The following DOCK10 variants were observed in gnomAD, a reference collection of about 807,000 sequenced individuals.
DOCK10 encodes dedicator of cytokinesis 10.
Under a neutral mutation model 280.1 loss-of-function variants are expected in DOCK10, and 145 were observed. That is an observed-to-expected ratio of 0.52 (90% confidence interval 0.45 to 0.59). The LOEUF (loss-of-function observed/expected upper bound fraction) is 0.59, where lower values mean the gene tolerates loss of function less well. Among genes scored for constraint, DOCK10 ranks in the 20% least tolerant of loss-of-function variants. The pLI, the probability that DOCK10 is intolerant of heterozygous loss-of-function variation, is 0.00. For synonymous variants in DOCK10, 915 were observed against 942.2 expected (o/e 0.97, Z 0.53); for missense variants, 2,368 against 2,651.7 (o/e 0.89, Z 2.35).
At chr2:224,917,257 C>G (rs535398880) in intron 2 of DOCK10, among the ~76,000 whole-genome samples, 9 of 152,018 alleles carry the variant, frequency 5.9e-5, no homozygotes, top group African/African-American at 2.2e-4. Flanking sequence ...AGGTGCCCAC[C>G]ACCACCCCCA....
chr2:224,902,401 T>C (rs1019145189), intron 3 of DOCK10, among the ~76,000 whole-genome samples: 9 of 152,218 alleles, frequency 5.9e-5, no homozygotes, highest in African/African-American at 2.2e-4. Context: ...CTGGAAATAA[T>C]TCTGTATTTG....
chr2:224,948,556 T>C (rs923038440), intron 1 of DOCK10, among the ~76,000 whole-genome samples: 2 of 152,224 alleles, frequency 1.3e-5, no homozygotes, highest in African/African-American at 4.8e-5. Flanking sequence ...CCTTATATGG[T>C]GTGATGAGAG....
At chr2:224,877,883 A>C (rs1698739310) in intron 7 of DOCK10, among the ~76,000 whole-genome samples, 1 of 152,242 alleles carries the variant, frequency 6.6e-6, no homozygotes, top group East Asian at 1.9e-4. Flanking sequence ...AAGATACTTC[A>C]TCTTTGATTT....
intron 1 of DOCK10, among the ~76,000 whole-genome samples, chr2:224,958,395 G>C (rs1457540317): frequency 1.3e-5 from 2 of 152,288 alleles, no homozygotes; most frequent in African/African-American, 4.8e-5. Flanking sequence ...GAAAGGAATA[G>C]GATGCTTCAG....
At chr2:224,851,096 C>A (rs1006690387) in intron 18 of DOCK10, among the ~76,000 whole-genome samples, 1 of 152,156 alleles carries the variant, frequency 6.6e-6, no homozygotes, top group Non-Finnish European at 1.5e-5. Flanking sequence ...CAGCATGCTA[C>A]TATTCTGTCC....
Position 224,770,813 on chromosome 2 carries a change from A to G in DOCK10, c.6205-168T>C, listed in dbSNP as rs1476596524. On this transcript the variant is annotated intron_variant, in intron 53 of 55. Coordinates refer to ENST00000258390, the MANE Select transcript of DOCK10 (RefSeq NM_014689.3). This position sits in a 1 kb window ranked among gnomAD's most constrained non-coding sequence, Gnocchi z 4.5. ...CTTAGCTGCTGTCCTCCAACTTGTC[A>G]ATAGAGCATGAGTCTGAGCTCCACC... Among the ~76,000 whole-genome samples, 1 of 151,668 alleles carries G rather than the reference A, an allele frequency of 6.6e-6. No individual in the cohort carries two copies. The highest frequency in any genetic ancestry group is 1.5e-5 in the Non-Finnish European group (1 of 67,978).
intron 18 of DOCK10, among the ~76,000 whole-genome samples, chr2:224,850,638 G>A (rs573488534): frequency 6.6e-6 from 1 of 152,028 alleles, no homozygotes; most frequent in Non-Finnish European, 1.5e-5. Flanking sequence ...CTCCCCACCC[G>A]AATCTCATCT....
chr2:225,041,158 G>C (rs1481686745), intron 1 of DOCK10, among the ~76,000 whole-genome samples: 2 of 152,298 alleles, frequency 1.3e-5, no homozygotes, highest in Middle Eastern at 3.4e-3. Flanking sequence ...CTGGCTGTGG[G>C]AACTGGCTCT....
chr2:224,913,718 GTTTATTTATTTA>G (rs113890271), intron 3 of DOCK10, among the ~76,000 whole-genome samples: 4 of 150,334 alleles, frequency 2.7e-5, no homozygotes, highest in Non-Finnish European at 5.9e-5. Flanking sequence ...TTGTTTGTCT[GTTTATTTATTTA>G]TTTATTTATT....
chr2:225,017,219 A>G (rs1269750949), intron 1 of DOCK10, among the ~76,000 whole-genome samples: 3 of 152,128 alleles, frequency 2.0e-5, no homozygotes, highest in Non-Finnish European at 4.4e-5. Context: ...GTCATCTCGT[A>G]CAGCTTCAGG....
intron 15 of DOCK10, among the ~76,000 whole-genome samples, chr2:224,856,605 T>C (rs1697160851): frequency 6.6e-6 from 1 of 152,246 alleles, no homozygotes; most frequent in African/African-American, 2.4e-5. Context: ...GTTGTTATTT[T>C]AAACCATTAA....
chr2:225,017,480 G>T (rs1421754983), intron 1 of DOCK10, among the ~76,000 whole-genome samples: 1 of 152,102 alleles, frequency 6.6e-6, no homozygotes, highest in Non-Finnish European at 1.5e-5. Flanking sequence ...AAGAGACCAA[G>T]AGAGACTGAC....
At chr2:225,024,540 T>G (rs1466051437) in intron 1 of DOCK10, among the ~76,000 whole-genome samples, 4 of 152,210 alleles carry the variant, frequency 2.6e-5, no homozygotes, top group African/African-American at 9.7e-5. Context: ...ACAATTGTTT[T>G]ACAAATATGA....
At chr2:224,946,951 T>A in intron 1 of DOCK10, 2 of 1,541,176 alleles carry the variant, frequency 1.3e-6, no homozygotes, top group Non-Finnish European at 1.7e-6. Flanking sequence ...CGAAAACTCA[T>A]CGTATTGCTA....
rs558311858 is a variant in DOCK10, at chr2:224,788,032, C to CA, written c.5419-636dup. Reference sequence around the variant, plus strand: ...CTTCAAGTCCTATCAAGACTCAGCACAAAAAAAAATGAAGAGCTTTTATTT... The same window carrying CA: ...CTTCAAGTCCTATCAAGACTCAGCACAAAAAAAAAATGAAGAGCTTTTATTT... On this transcript the variant is annotated intron_variant, in intron 48 of 55. Coordinates refer to ENST00000258390, the MANE Select transcript of DOCK10 (RefSeq NM_014689.3). 2.4e-3 allele frequency among the ~76,000 whole-genome samples: 367 copies of CA among 150,152 alleles called. 2 individuals are homozygous for CA. Among genetic ancestry groups the CA allele is most frequent in the South Asian group, 3.8e-3 (18 of 4,732 alleles).
intron 1 of DOCK10, among the ~76,000 whole-genome samples, chr2:225,005,032 T>C (rs1239433182): frequency 3.9e-5 from 6 of 152,204 alleles, no homozygotes; most frequent in South Asian, 2.1e-4. Flanking sequence ...TTCATGAAAC[T>C]AATTTTAGAA....
At chr2:224,849,282 A>AT (rs1271694395) in intron 19 of DOCK10, among the ~76,000 whole-genome samples, 10 of 152,088 alleles carry the variant, frequency 6.6e-5, no homozygotes, top group South Asian at 2.1e-4. Flanking sequence ...CCAGCATTCC[A>AT]TTTTTTTTAA....
chr2:224,948,063 GT>G (rs1426022024), intron 1 of DOCK10, among the ~76,000 whole-genome samples: 2 of 152,130 alleles, frequency 1.3e-5, no homozygotes, highest in Admixed American at 1.3e-4. Flanking sequence ...AGTATGTTCA[GT>G]TTTTTTCTAC....
chr2:225,015,086 G>T (rs1341281518), intron 1 of DOCK10, among the ~76,000 whole-genome samples: 2 of 152,192 alleles, frequency 1.3e-5, no homozygotes, highest in African/African-American at 2.4e-5. Flanking sequence ...GAGGATGGGG[G>T]TGCAGTTTGG....
Sources: gnomAD v4.1 joint callset for allele counts (sites outside exome capture counted in the v4.1 genomes callset) on GRCh38, gnomAD v4.1.1 for gene constraint, Gnocchi (gnomAD v3.1) non-coding constraint, MANE v1.5 for transcripts, NCBI Gene and HGNC (gene_info 2026-07-23, HGNC 2026-07-21) for gene names.